DACH1: variants seen among roughly 807,000 people sequenced by gnomAD.
DACH1 encodes the protein dachshund family transcription factor 1, also known as dachshund homolog 1.
A neutral mutation model predicts 54.2 loss-of-function variants in DACH1; 12 were observed. The ratio of observed to expected loss-of-function variants is 0.22; its 90% confidence interval spans 0.14 to 0.36. DACH1 has a LOEUF of 0.36. DACH1 is among the 10% of genes least tolerant of loss of function. DACH1 has a pLI of 1.00. For missense variants in DACH1, 805 were observed against 929.8 expected, an observed-to-expected ratio of 0.87 and a Z score of 1.75; for synonymous variants, 386 against 366.2, an observed-to-expected ratio of 1.05 and a Z score of -0.62.
chr13:71,543,843 C>T (rs1047598621), intron 6 of DACH1, among the ~76,000 whole-genome samples: 20 of 152,074 alleles, frequency 1.3e-4, no homozygotes, highest in African/African-American at 3.6e-4. Flanking sequence ...GATCCTTAGC[C>T]GTAGATTTAA....
chr13:71,786,289 G>A lies in DACH1; in HGVS notation c.848+79633C>T, dbSNP rs79297079. Among the ~76,000 whole-genome samples, 9 of 152,214 alleles carry A rather than the reference G, an allele frequency of 5.9e-5. 2 individuals carry two copies. The highest frequency in any genetic ancestry group is 1.7e-4 in the African/African-American group (7 of 41,550). On this transcript the variant is annotated intron_variant, in intron 1 of 10. Transcript: ENST00000613252. ...AAACATGCCTTGTGTATTATAGATC[G>A]ATATAGCTTCTATATTTAAGACAGT...
At chr13:71,654,762 C>T (rs1051982947) in intron 2 of DACH1, among the ~76,000 whole-genome samples, 6 of 152,004 alleles carry the variant, frequency 3.9e-5, no homozygotes, top group Non-Finnish European at 8.8e-5. Flanking sequence ...CATTATGTCA[C>T]CAAATGATCT....
At chr13:71,703,115 G>C (rs1882238631) in intron 1 of DACH1, among the ~76,000 whole-genome samples, 1 of 152,120 alleles carries the variant, frequency 6.6e-6, no homozygotes, top group African/African-American at 2.4e-5. Flanking sequence ...TAGTATCTTA[G>C]CAGAGTCAAA....
rs550515979 is a variant in DACH1, at chr13:71,576,084, A to C, written c.1127-3072T>G. ...TATGCACTATGCTTAACACACAAAC[A>C]TATATACACACATAAATACCTTTAA... On this transcript the variant is annotated intron_variant, in intron 3 of 10. Transcript: ENST00000613252. 1.2e-4 allele frequency among the ~76,000 whole-genome samples: 19 copies of C among 152,230 alleles called. No homozygotes were observed. In the East Asian group the frequency reaches 3.7e-3, roughly 29 times the overall value.
Position 71,538,907 on chromosome 13 carries a change from A to C in DACH1, c.1570+18117T>G, listed in dbSNP as rs79829322. Reference sequence around the variant, plus strand: ...TTTAAAAAGAGGAAATAACATTGTCAACATGGTAATTTCAGAGTTTATTTT... The same window carrying C: ...TTTAAAAAGAGGAAATAACATTGTCCACATGGTAATTTCAGAGTTTATTTT... On this transcript the variant is annotated intron_variant, in intron 6 of 10. Transcript: ENST00000613252. 2.0e-5 allele frequency among the ~76,000 whole-genome samples: 3 copies of C among 152,204 alleles called. No individual in the cohort carries two copies. In the East Asian group the frequency reaches 5.8e-4, roughly 30 times the overall value.
At position 71,559,937 on chromosome 13, in the gene DACH1, G is replaced by C; in HGVS notation, c.1318C>G (p.Pro440Ala). Residue 440 changes from proline to alanine, a missense_variant, in exon 5 of 11, where the codon CCC (proline) becomes GCC (alanine). Around this residue, in one of 3 missense-constraint regions of DACH1, gnomAD observed 472 missense variants for 545.3 expected, o/e 0.87. Transcript: ENST00000613252. ...TCCTCCAGAGAGGGGGCAGGTGAGGGGCTATCAGGAACACGCTCCTGCACC... is the reference window on the plus strand; with the variant it reads ...TCCTCCAGAGAGGGGGCAGGTGAGGCGCTATCAGGAACACGCTCCTGCACC... ...SVIKERVPDS[P>A]SPAPSLEEGR... 6.3e-7 allele frequency: 1 copy of C among 1,589,070 alleles called. No individual in the cohort carries two copies. The highest frequency in any genetic ancestry group is 1.1e-5 in the South Asian group (1 of 87,404).
In DACH1 at chr13:71,476,649, T is replaced by C. The variant is rs563217941; in HGVS notation, c.1871-800A>G. The stretch of plus-strand genomic sequence containing the variant: ...TTAAAAAAATAGATAATACAAAAAG[T>C]TGATTATGAAACATTTTTCTCCAAC... On this transcript the variant is annotated intron_variant, in intron 8 of 10. Coordinates refer to ENST00000613252, the MANE Select transcript of DACH1 (RefSeq NM_080759.6). Among the ~76,000 whole-genome samples the C allele has an allele frequency of 3.3e-5, 5 of 152,166 alleles. No individual in the cohort carries two copies. In the East Asian group the frequency reaches 9.6e-4, roughly 29 times the overall value.
chr13:71,450,466 C>A (rs1271903653), intron 10 of DACH1, among the ~76,000 whole-genome samples: 2 of 151,994 alleles, frequency 1.3e-5, no homozygotes, highest in African/African-American at 4.8e-5. Flanking sequence ...AACTGATTAC[C>A]CCATCTCTCT....
intron 3 of DACH1, among the ~76,000 whole-genome samples, chr13:71,626,365 G>T (rs1369470199): frequency 6.6e-6 from 1 of 151,798 alleles, no homozygotes; most frequent in Non-Finnish European, 1.5e-5. Flanking sequence ...TGTGCATAAT[G>T]CCAAAAAAAG....
At chr13:71,738,731 C>CAAAA (rs34856567) in intron 1 of DACH1, among the ~76,000 whole-genome samples, 997 of 24,048 alleles carry the variant, frequency 0.041, 331 homozygotes, top group Non-Finnish European at 0.094. Context: ...GACTCTGTCT[C>CAAAA]AAAAAAAAAA....
intron 4 of DACH1, among the ~76,000 whole-genome samples, chr13:71,566,960 A>G (rs1282155474): frequency 2.0e-5 from 3 of 152,116 alleles, no homozygotes; most frequent in Non-Finnish European, 1.5e-5. Flanking sequence ...CTACTTTGTG[A>G]ATTAGGTCAC....
In DACH1 at chr13:71,729,325, C is replaced by T. The variant is rs147080659; in HGVS notation, c.849-47415G>A. ...CTGAATGCAATCTATCTAGTCCACA[C>T]ATATGAGAGAACATTCTGATAGATT... On this transcript the variant is annotated intron_variant, in intron 1 of 10. Coordinates refer to ENST00000613252, the MANE Select transcript of DACH1 (RefSeq NM_080759.6). Among the ~76,000 whole-genome samples, 311 of 152,060 alleles carry T rather than the reference C, an allele frequency of 2.0e-3. 1 individual carries two copies. Among genetic ancestry groups the T allele is most frequent in the Non-Finnish European group, 3.7e-3 (254 of 67,870 alleles).
rs376768090 is a variant in DACH1, at chr13:71,574,061, T to C, written c.1127-1049A>G. ...ACAGAGAACACAAAAGATCACTTTA[T>C]AGAATATAATGCCAAAGCAAAAATT... On this transcript the variant is annotated intron_variant, in intron 3 of 10. Coordinates refer to ENST00000613252, the MANE Select transcript of DACH1 (RefSeq NM_080759.6). Among the ~76,000 whole-genome samples, 6 of 152,268 alleles carry C rather than the reference T, an allele frequency of 3.9e-5. 1 individual carries two copies. Among genetic ancestry groups the C allele is most frequent in the African/African-American group, 7.2e-5 (3 of 41,574 alleles).
intron 1 of DACH1, among the ~76,000 whole-genome samples, chr13:71,822,380 T>G (rs550263769): frequency 6.6e-6 from 1 of 152,334 alleles, no homozygotes; most frequent in Admixed American, 6.5e-5. Context: ...CTTTATTTTC[T>G]TAGATTCCTT....
chr13:71,577,678 A>G (rs567841553), intron 3 of DACH1, among the ~76,000 whole-genome samples: 1 of 152,332 alleles, frequency 6.6e-6, no homozygotes, highest in African/African-American at 2.4e-5. Context: ...GAAAATGAAT[A>G]ACAAATATGG....
intron 6 of DACH1, among the ~76,000 whole-genome samples, chr13:71,525,727 T>A (rs1881908351): frequency 6.6e-6 from 1 of 152,166 alleles, no homozygotes; most frequent in Admixed American, 6.6e-5. Flanking sequence ...TCACTGTTTC[T>A]TCATAACTAA....
At chr13:71,581,231 C>T (rs1419744943) in intron 3 of DACH1, among the ~76,000 whole-genome samples, 1 of 152,114 alleles carries the variant, frequency 6.6e-6, no homozygotes, top group African/African-American at 2.4e-5. Context: ...AGGAGAGGCA[C>T]ATGCACATAT....
At chr13:71,752,968 A>G (rs1884990777) in intron 1 of DACH1, among the ~76,000 whole-genome samples, 1 of 152,212 alleles carries the variant, frequency 6.6e-6, no homozygotes, top group Non-Finnish European at 1.5e-5. Flanking sequence ...GACAGGCAGC[A>G]GGTGTGAGCA....
Position 71,809,676 on chromosome 13 carries a change from T to G in DACH1, c.848+56246A>C, listed in dbSNP as rs190671306. On this transcript the variant is annotated intron_variant, in intron 1 of 10. Coordinates refer to ENST00000613252, the MANE Select transcript of DACH1 (RefSeq NM_080759.6). ...ATAGTGTTGCCTTTTATATGGAACA[T>G]AGTCTTATTTGATAATAACTTCACA... Among the ~76,000 whole-genome samples, 359 of 152,328 alleles carry G rather than the reference T, an allele frequency of 2.4e-3. 2 individuals are homozygous for G. The highest frequency in any genetic ancestry group is 8.3e-3 in the South Asian group (40 of 4,828).
Sources: allele counts gnomAD v4.1 joint callset (sites outside exome capture counted in the v4.1 genomes callset), GRCh38; gene constraint gnomAD v4.1.1; regional missense constraint gnomAD v4.1.1; transcripts MANE v1.5; gene names NCBI Gene and HGNC (gene_info 2026-07-23, HGNC 2026-07-21).